USH2A: variants seen among roughly 807,000 people sequenced by gnomAD.
USH2A encodes the protein usherin.
USH2A carries 443 observed loss-of-function variants against 538.9 expected under a neutral mutation model. The ratio of observed to expected loss-of-function variants is 0.82; its 90% CI spans 0.76 to 0.89. The LOEUF is 0.89. Ranked by LOEUF, USH2A falls within the 40% of genes least tolerant of loss-of-function variation. The probability of loss-of-function intolerance (pLI) is 0.00; values close to 1 mark genes in which losing one functional copy is unlikely to be tolerated. For missense variants in USH2A, 6,633 were observed against 6,324.8 expected (o/e 1.05, Z -1.65); for synonymous variants, 2,413 against 2,273.5 (o/e 1.06, Z -1.75).
At chr1:216,177,206 T>A (rs966971736) in intron 20 of USH2A, among the ~76,000 whole-genome samples, 1 of 152,180 alleles carries the variant, frequency 6.6e-6, no homozygotes, top group African/African-American at 2.4e-5. Context: ...CCTTCTACTG[T>A]ACAGCCTCAT....
At chr1:215,761,573 G>A (rs371654947) in intron 56 of USH2A, among the ~76,000 whole-genome samples, 2 of 152,158 alleles carry the variant, frequency 1.3e-5, no homozygotes, top group Non-Finnish European at 2.9e-5. Flanking sequence ...TGTTTAATGA[G>A]TAGATTTATT....
chr1:216,407,847 A>T lies in USH2A; in HGVS notation c.651+10667T>A, dbSNP rs139002805. Among the ~76,000 whole-genome samples, 258 of 152,276 alleles carry T rather than the reference A, an allele frequency of 1.7e-3. 5 individuals carry two copies. Among genetic ancestry groups the T allele is most frequent in the African/African-American group, 5.9e-3 (245 of 41,572 alleles). On this transcript the variant is annotated intron_variant, in intron 3 of 71. Coordinates refer to ENST00000307340, the MANE Select transcript of USH2A (RefSeq NM_206933.4). ...AATTCCATTAGATAATACAGGTTTCAAAAGCACTACCATCAAATCCCAACC... is the reference window on the plus strand; with the variant it reads ...AATTCCATTAGATAATACAGGTTTCTAAAGCACTACCATCAAATCCCAACC...
At chr1:215,763,125 A>G (rs1305137753) in intron 56 of USH2A, among the ~76,000 whole-genome samples, 1 of 152,194 alleles carries the variant, frequency 6.6e-6, no homozygotes, top group East Asian at 1.9e-4. Context: ...TTGTTAATTT[A>G]TTCACTCAAC....
At chr1:215,991,010 C>T (rs1023279097) in intron 35 of USH2A, among the ~76,000 whole-genome samples, 1 of 152,092 alleles carries the variant, frequency 6.6e-6, no homozygotes, top group Non-Finnish European at 1.5e-5. Context: ...ATCCACCCCC[C>T]TCAGCCTCCC....
chr1:216,356,295 T>C lies in USH2A; in HGVS notation c.784+8658A>G, dbSNP rs557615398. On this transcript the variant is annotated intron_variant, in intron 4 of 71. Transcript: ENST00000307340. ...CCCTCTGTACTATACAAATTAGGTG[T>C]CTCTGGCTGAACTTGTTACATTCAT... Among the ~76,000 whole-genome samples the C allele has an allele frequency of 5.3e-5, 8 of 152,252 alleles. No homozygotes were observed. In the South Asian group the frequency reaches 1.7e-3, roughly 32 times the overall value.
intron 47 of USH2A, among the ~76,000 whole-genome samples, chr1:215,835,092 A>C (rs1489821970): frequency 1.5e-5 from 2 of 133,360 alleles, no homozygotes; most frequent in Admixed American, 1.7e-4. Context: ...CCTCACCTGC[A>C]TTATCTCTGA....
intron 3 of USH2A, among the ~76,000 whole-genome samples, chr1:216,401,114 T>G (rs961365397): frequency 6.6e-6 from 1 of 152,100 alleles, no homozygotes; most frequent in African/African-American, 2.4e-5. Context: ...AATGTGATGC[T>G]CACTGTATGT....
chr1:216,298,457 G>A (rs1488107681), intron 9 of USH2A, among the ~76,000 whole-genome samples: 1 of 152,124 alleles, frequency 6.6e-6, no homozygotes, highest in Non-Finnish European at 1.5e-5. Context: ...ACTAAATGCT[G>A]TATCAATGTC....
intron 61 of USH2A, among the ~76,000 whole-genome samples, chr1:215,727,784 T>C (rs1171377564): frequency 2.0e-5 from 3 of 152,144 alleles, no homozygotes; most frequent in African/African-American, 7.2e-5. Context: ...ATTTTATGAA[T>C]AAATAAAATT....
At chr1:215,973,568 G>A (rs1484504962) in intron 35 of USH2A, among the ~76,000 whole-genome samples, 1 of 151,652 alleles carries the variant, frequency 6.6e-6, no homozygotes, top group Non-Finnish European at 1.5e-5. Context: ...CTCAGTGACT[G>A]CACCTTACCA....
chr1:216,159,249 G>A (rs2034007407), intron 21 of USH2A, among the ~76,000 whole-genome samples: 1 of 152,076 alleles, frequency 6.6e-6, no homozygotes, highest in South Asian at 2.1e-4. Flanking sequence ...AGTGGTGATA[G>A]TGAATTTCCT....
intron 9 of USH2A, among the ~76,000 whole-genome samples, chr1:216,313,471 C>T (rs1477976268): frequency 6.6e-6 from 1 of 152,078 alleles, no homozygotes; most frequent in Non-Finnish European, 1.5e-5. Flanking sequence ...TGGAGTTTAC[C>T]CCTTCCCTTT....
At chr1:216,240,013 C>CAAAAAAAAAAAAAAAAAAA (rs55691066) in intron 13 of USH2A, among the ~76,000 whole-genome samples, 8 of 112,284 alleles carry the variant, frequency 7.1e-5, no homozygotes, top group African/African-American at 9.9e-5. Flanking sequence ...ATGAAATAAA[C>CAAAAAAAAAAAAAAAAAAA]AAAAAAAAAA....
intron 32 of USH2A, among the ~76,000 whole-genome samples, chr1:216,022,521 T>C (rs1433187167): frequency 6.6e-6 from 1 of 152,196 alleles, no homozygotes; most frequent in Non-Finnish European, 1.5e-5. Context: ...GCTAGTTTAC[T>C]CAGATTTGTA....
chr1:216,027,393 C>T (rs1005155694), intron 32 of USH2A, among the ~76,000 whole-genome samples: 1 of 152,192 alleles, frequency 6.6e-6, no homozygotes, highest in East Asian at 1.9e-4. Flanking sequence ...GCACCCAGAA[C>T]TGTAAGACAA....
At chr1:215,652,483 G>A (rs1353406813) in intron 64 of USH2A, among the ~76,000 whole-genome samples, 1 of 152,168 alleles carries the variant, frequency 6.6e-6, no homozygotes, top group Non-Finnish European at 1.5e-5. Flanking sequence ...TAAGCACAGG[G>A]AAGTAAGGAG....
chr1:216,266,591 C>A (rs183923474), intron 11 of USH2A, among the ~76,000 whole-genome samples: 1,777 of 152,060 alleles, frequency 0.012, 36 homozygotes, highest in African/African-American at 0.041. Flanking sequence ...AAACAGACAA[C>A]AGCAACAAGA....
intron 4 of USH2A, among the ~76,000 whole-genome samples, chr1:216,345,154 A>T (rs1240358405): frequency 6.6e-6 from 1 of 151,936 alleles, no homozygotes; most frequent in African/African-American, 2.4e-5. Context: ...TATGCAGCCA[A>T]TGCTTTTCTT....
intron 3 of USH2A, among the ~76,000 whole-genome samples, chr1:216,394,823 A>C (rs1218358647): frequency 6.8e-6 from 1 of 146,290 alleles, no homozygotes; most frequent in Non-Finnish European, 1.5e-5. Flanking sequence ...GGTTCACGCC[A>C]TTCTCCTGCC....
Sources: gnomAD v4.1 joint callset for allele counts (sites outside exome capture counted in the v4.1 genomes callset) on GRCh38, gnomAD v4.1.1 for gene constraint, MANE v1.5 for transcripts, NCBI Gene and HGNC (gene_info 2026-07-23, HGNC 2026-07-21) for gene names.